Variants in ARF4 observed in about 807,000 individuals in gnomAD.
ARF4 encodes ADP-ribosylation factor 4.
Under a neutral mutation model 24.3 loss-of-function variants are expected in ARF4, and 5 were observed. The ratio of observed to expected loss-of-function variants is 0.21; its 90% CI spans 0.11 to 0.43. The LOEUF (loss-of-function observed/expected upper bound fraction) is 0.43, where lower values mean the gene tolerates loss of function less well. Ranked by LOEUF, ARF4 falls within the 20% of genes least tolerant of loss-of-function variation. The probability of loss-of-function intolerance (pLI) is 1.00; values close to 1 mark genes in which losing one functional copy is unlikely to be tolerated. For synonymous variants in ARF4, 62 were observed against 73.5 expected (o/e 0.84, Z 0.80); for missense variants, 107 against 213.0 (o/e 0.50, Z 3.10).
chr3:57,582,335 C>T (rs927798469), intron 3 of ARF4, among the ~76,000 whole-genome samples: 10 of 150,096 alleles, frequency 6.7e-5, no homozygotes, highest in East Asian at 2.0e-4. Context: ...CTCCACCTCC[C>T]GGGTTCAAGT....
chr3:57,593,398 G>A (rs1443082837), intron 1 of ARF4, among the ~76,000 whole-genome samples: 1 of 151,996 alleles, frequency 6.6e-6, no homozygotes, highest in Non-Finnish European at 1.5e-5. Flanking sequence ...AATATGCTAA[G>A]AAACAAATAT....
At chr3:57,587,927 A>G (rs1284858286) in intron 1 of ARF4, among the ~76,000 whole-genome samples, 1 of 152,248 alleles carries the variant, frequency 6.6e-6, no homozygotes, top group East Asian at 1.9e-4. Context: ...TGAAAAAGGT[A>G]TTTATAAGCT....
At chr3:57,589,398 A>G (rs2070078242) in intron 1 of ARF4, among the ~76,000 whole-genome samples, 1 of 152,062 alleles carries the variant, frequency 6.6e-6, no homozygotes, top group Non-Finnish European at 1.5e-5. Context: ...ACTGCAATTC[A>G]GCGTAAGCAA....
intron 1 of ARF4, among the ~76,000 whole-genome samples, chr3:57,590,314 G>T (rs904880928): frequency 6.6e-6 from 1 of 150,584 alleles, no homozygotes; most frequent in African/African-American, 2.4e-5. Context: ...GTGAAACCCT[G>T]TCTCTACTAA....
At chr3:57,583,181 A>C (rs2069996929) in intron 3 of ARF4, among the ~76,000 whole-genome samples, 1 of 152,204 alleles carries the variant, frequency 6.6e-6, no homozygotes, top group African/African-American at 2.4e-5. Flanking sequence ...GAAATACAGA[A>C]TCTCAGGCCT....
chr3:57,595,529 T>G (rs1393390837), intron 1 of ARF4, among the ~76,000 whole-genome samples: 1 of 152,236 alleles, frequency 6.6e-6, no homozygotes, highest in Admixed American at 6.5e-5. Flanking sequence ...AAACAATTGA[T>G]TCACAAAGTG....
chr3:57,574,541 C>A (rs146642732), intron 5 of ARF4, among the ~76,000 whole-genome samples: 3,649 of 152,020 alleles, frequency 0.024, 68 homozygotes, highest in Non-Finnish European at 0.035. Context: ...TCCCAAGTAG[C>A]TGGGACTAAA....
intron 1 of ARF4, among the ~76,000 whole-genome samples, chr3:57,591,537 G>C (rs2070116698): frequency 6.6e-6 from 1 of 150,748 alleles, no homozygotes; most frequent in Non-Finnish European, 1.5e-5. Context: ...CACGATCTCA[G>C]CTCACTGCAA....
intron 5 of ARF4, among the ~76,000 whole-genome samples, chr3:57,573,878 G>A (rs772199874): frequency 1.3e-4 from 20 of 152,012 alleles, no homozygotes; most frequent in South Asian, 2.1e-4. Flanking sequence ...CACCACACCC[G>A]GCCCAGTTTA....
In ARF4 at chr3:57,596,998, A is replaced by G. The variant is rs1035380665; in HGVS notation, c.67+76T>C. The G allele has an allele frequency of 4.8e-6, 7 of 1,450,448 alleles. No homozygotes were observed. The African/African-American group carries it at 9.9e-5, about 20-fold the overall frequency. 89.8% of individuals were successfully genotyped at this position (1,450,448 alleles called of 1,614,324 possible). A position where few individuals can be genotyped will look rare whatever the true frequency, so the allele number is the denominator to read the frequency against. On this transcript the variant is annotated intron_variant, in intron 1 of 5. Coordinates refer to ENST00000303436, the MANE Select transcript of ARF4 (RefSeq NM_001660.4). ...CCACCACAGCGGGCGGAGGAAAAAA[A>G]CAGGCCCAGAGGCCACCCCAATTGT...
At chr3:57,593,460 T>C (rs2070139196) in intron 1 of ARF4, among the ~76,000 whole-genome samples, 1 of 152,100 alleles carries the variant, frequency 6.6e-6, no homozygotes, top group Non-Finnish European at 1.5e-5. Flanking sequence ...AAATATAGGA[T>C]CCTTTCTCCT....
chr3:57,593,797 AG>A (rs2070142785), intron 1 of ARF4, among the ~76,000 whole-genome samples: 1 of 152,172 alleles, frequency 6.6e-6, no homozygotes. Flanking sequence ...GCACTTTTCG[AG>A]GCCGAGGTGG....
rs2070073389 is a variant in ARF4 at position 57,589,105 on chromosome 3, A to C, written c.68-4641T>G. ...CAACAGGAGCAAAACTCCGTCTCAA[A>C]AAAAAAAAAAAATTAGCCGGTTGTG... On this transcript the variant is annotated intron_variant, in intron 1 of 5. Coordinates refer to ENST00000303436, the MANE Select transcript of ARF4 (RefSeq NM_001660.4). 2.7e-5 allele frequency among the ~76,000 whole-genome samples: 4 copies of C among 149,284 alleles called. 1 individual carries two copies. In the South Asian group the frequency reaches 8.4e-4, roughly 31 times the overall value.
At chr3:57,587,176 G>T (rs2070048182) in intron 1 of ARF4, among the ~76,000 whole-genome samples, 1 of 151,954 alleles carries the variant, frequency 6.6e-6, no homozygotes, top group Non-Finnish European at 1.5e-5. Context: ...GAAACTAGCT[G>T]GATGTGGTGG....
chr3:57,575,432 T>C, intron 5 of ARF4, 116 bp downstream of exon 5: 2 of 1,027,740 alleles, frequency 1.9e-6, no homozygotes, highest in Non-Finnish European at 2.6e-6. Context: ...AAATAAATGA[T>C]GTGCTCATTA....
At chr3:57,596,853 G>A in intron 1 of ARF4, 1 of 535,990 alleles carries the variant, frequency 1.9e-6, no homozygotes, top group South Asian at 2.2e-5. Flanking sequence ...AAGAAATCTT[G>A]CCCGAAGCCC....
Position 57,583,993 on chromosome 3 carries a change from T to C in ARF4, c.163A>G (p.Thr55Ala), listed in dbSNP as rs867291321. 1 of 1,610,798 alleles carries C rather than the reference T, an allele frequency of 6.2e-7. No individual in the cohort carries two copies. The highest frequency in any genetic ancestry group is 8.5e-7 in the Non-Finnish European group (1 of 1,177,318). ...AAACAAATGTTCTTATATTCTACTG[T>C]TTCCACATTAAAACCTACAAAGAAA... ...TIPTIGFNVETVEYKNICFTV... is the reference protein window; with the variant it reads ...TIPTIGFNVEAVEYKNICFTV... The change falls in exon 3 of 6, where the codon ACA becomes GCA. Residue 55 changes from threonine to alanine, a missense_variant. By Grantham distance (58) the Thr-to-Ala change is moderately conservative. Coordinates refer to ENST00000303436, the MANE Select transcript of ARF4 (RefSeq NM_001660.4).
intron 5 of ARF4, among the ~76,000 whole-genome samples, chr3:57,575,305 C>A (rs1289706641): frequency 5.9e-5 from 8 of 134,990 alleles, no homozygotes; most frequent in African/African-American, 1.4e-4. Context: ...CCTCTCCCTT[C>A]AAAAAAAAAA....
intron 1 of ARF4, among the ~76,000 whole-genome samples, chr3:57,591,298 T>G (rs2070113652): frequency 6.6e-6 from 1 of 152,136 alleles, no homozygotes; most frequent in Non-Finnish European, 1.5e-5. Context: ...AACCTAATTT[T>G]TATCATCTGA....
Sources: allele counts gnomAD v4.1 joint callset (sites outside exome capture counted in the v4.1 genomes callset), GRCh38; gene constraint gnomAD v4.1.1; transcripts MANE v1.5; gene names NCBI Gene and HGNC (gene_info 2026-07-23, HGNC 2026-07-21).